The following CFAP206 variants were observed in gnomAD, a reference collection of about 807,000 sequenced individuals.
The protein encoded by CFAP206 is cilia- and flagella-associated protein 206.
Under a neutral mutation model 65.4 loss-of-function variants are expected in CFAP206, and 53 were observed. The ratio of observed to expected loss-of-function variants is 0.81; its 90% CI spans 0.65 to 1.02. CFAP206 has a LOEUF of 1.02. Ranked by LOEUF, CFAP206 falls within the 50% of genes least tolerant of loss-of-function variation. The pLI, the probability that CFAP206 is intolerant of heterozygous loss-of-function variation, is 0.00. For synonymous variants in CFAP206, 250 were observed against 254.4 expected (o/e 0.98, Z 0.17); for missense variants, 663 against 753.2 (o/e 0.88, Z 1.40).
At chr6:87,436,977 G>T (rs530670055) in intron 11 of CFAP206, among the ~76,000 whole-genome samples, 328 of 150,828 alleles carry the variant, frequency 2.2e-3, no homozygotes, top group Middle Eastern at 3.4e-3. Flanking sequence ...ATTATTGTTT[G>T]TTTTTTTTTC....
In CFAP206 at chr6:87,418,391, A is replaced by G. The variant is rs772758689; in HGVS notation, c.815A>G (p.Tyr272Cys). 2.3e-5 allele frequency: 37 copies of G among 1,613,984 alleles called. No individual in the cohort carries two copies. Among genetic ancestry groups the G allele is most frequent in the Non-Finnish European group, 3.1e-5 (36 of 1,179,970 alleles). Reference protein sequence around the residue: ...LKEALYNIRQYEVFLQIILSD... With the variant: ...LKEALYNIRQCEVFLQIILSD... ...GAAGCGCTATATAATATACGACAAT[A>G]TGAGGTCTTCCTTCAGATCATTTTG... Residue 272 changes from tyrosine (Y) to cysteine (C), a missense_variant, in exon 7 of 13, where the codon TAT becomes TGT. Tyr to Cys is a radical substitution (Grantham distance 194). Coordinates refer to ENST00000369562, the MANE Select transcript of CFAP206 (RefSeq NM_001031743.3).
chr6:87,460,934 GTT>G, intron 11 of CFAP206, 86 bp from the exon 12 acceptor site: 1 of 1,160,130 alleles, frequency 8.6e-7, no homozygotes, highest in Non-Finnish European at 1.2e-6. Context: ...TTTTTTAAGT[GTT>G]TTGTTAGTTT....
intron 8 of CFAP206, among the ~76,000 whole-genome samples, chr6:87,428,217 C>A (rs6899561): frequency 0.36 from 54,326 of 151,104 alleles, 11,099 homozygotes; most frequent in African/African-American, 0.56. Flanking sequence ...TGAACTCCTG[C>A]CCTCAGGTGA....
At chr6:87,409,739 CTG>C (rs1400452389) in intron 1 of CFAP206, 94 bp from the exon 2 acceptor site, 1 of 745,380 alleles carries the variant, frequency 1.3e-6, no homozygotes, top group East Asian at 2.7e-5. Flanking sequence ...GATATTATGA[CTG>C]TTTACAAATA....
intron 12 of CFAP206, among the ~76,000 whole-genome samples, chr6:87,461,774 A>G (rs1238162426): frequency 6.6e-6 from 1 of 152,144 alleles, no homozygotes; most frequent in Non-Finnish European, 1.5e-5. Flanking sequence ...TTTAACTGAA[A>G]TCAGGTGTGG....
Position 87,415,763 on chromosome 6 carries a change from G to T in CFAP206, c.361G>T (p.Ala121Ser), listed in dbSNP as rs1475908398. 2 of 1,613,530 alleles carry T rather than the reference G, an allele frequency of 1.2e-6. No homozygotes were observed. Among genetic ancestry groups the T allele is most frequent in the African/African-American group, 2.7e-5 (2 of 75,024 alleles). Residue 121 changes from alanine (A) to serine (S), a missense_variant, in exon 5 of 13, where the codon GCA (alanine) becomes TCA (serine). Physicochemically the swap from Ala to Ser is moderately conservative, Grantham distance 99. Transcript: ENST00000369562. ...TACCCGAGAAATTACAGATAACAGA[G>T]CATGTGCTAAAGAAGAATTGGAAAG... ...SVTREITDNR[A>S]CAKEELESLY...
At chr6:87,410,750 C>A in intron 3 of CFAP206, 82 bp downstream of exon 3, 2 of 1,092,372 alleles carry the variant, frequency 1.8e-6, no homozygotes, top group South Asian at 2.6e-5. Context: ...TTATTGCCTT[C>A]AGCTGCATGA....
intron 11 of CFAP206, among the ~76,000 whole-genome samples, chr6:87,450,150 G>A (rs556262809): frequency 6.6e-6 from 1 of 152,152 alleles, no homozygotes; most frequent in East Asian, 1.9e-4. Flanking sequence ...ATTTATTTCT[G>A]GGTTCTGTAT....
At position 87,408,063 on chromosome 6, in the gene CFAP206, C is replaced by T. The variant is rs1431243878; in HGVS notation, c.-32C>T. On this transcript the variant is annotated 5_prime_UTR_variant, in exon 1 of 13. In the 5' UTR this introduces an upstream ATG that the reference lacks. Coordinates refer to ENST00000369562, the MANE Select transcript of CFAP206 (RefSeq NM_001031743.3). ...GCCCCAGGACAGAAGCAGACAGACA[C>T]GGCTCCTGCTGTCGATTCCGATCCA... 3.0e-6 allele frequency: 3 copies of T among 985,428 alleles called. No homozygotes were observed. The highest frequency in any genetic ancestry group is 4.7e-5 in the South Asian group (1 of 21,292). The allele number at this position is 985,428 out of a possible 1,614,324, so 61.0% of individuals were successfully genotyped here.
At chr6:87,423,541 G>A (rs1767986214) in intron 7 of CFAP206, among the ~76,000 whole-genome samples, 1 of 152,080 alleles carries the variant, frequency 6.6e-6, no homozygotes, top group Non-Finnish European at 1.5e-5. Context: ...GAGCCACCGC[G>A]CCCGGCCCAG....
intron 11 of CFAP206, among the ~76,000 whole-genome samples, chr6:87,453,775 C>T (rs1388683563): frequency 2.0e-5 from 3 of 151,750 alleles, no homozygotes; most frequent in African/African-American, 7.3e-5. Flanking sequence ...TGAAACATAC[C>T]ACCAAAGAAA....
rs781732069 is a variant in CFAP206 at position 87,431,105 on chromosome 6, A to G, written c.1232A>G (p.Lys411Arg). ...LFPETTANFDKLLIQYRGFCA... is the reference protein window; with the variant it reads ...LFPETTANFDRLLIQYRGFCA... ...CCAGAAACAACAGCAAATTTTGATA[A>G]ACTGTTAATTCAATATCGGGGATTT... Residue 411 changes from lysine to arginine, a missense_variant, in exon 10 of 13, where the codon AAA (lysine) becomes AGA (arginine). Lys to Arg is a conservative substitution (Grantham distance 26). Transcript: ENST00000369562. 1.1e-5 allele frequency: 17 copies of G among 1,613,894 alleles called. No homozygotes were observed. The highest frequency in any genetic ancestry group is 2.5e-6 in the Non-Finnish European group (3 of 1,179,924).
intron 11 of CFAP206, among the ~76,000 whole-genome samples, chr6:87,454,785 C>T (rs1306068731): frequency 1.5e-5 from 2 of 135,624 alleles, no homozygotes; most frequent in African/African-American, 2.8e-5. Context: ...GCAGAGGCTA[C>T]AGTGAGCTGA....
At chr6:87,459,433 A>C (rs1368982892) in intron 11 of CFAP206, among the ~76,000 whole-genome samples, 1 of 152,148 alleles carries the variant, frequency 6.6e-6, no homozygotes, top group African/African-American at 2.4e-5. Flanking sequence ...TCTATTTGTT[A>C]AAAGATAGTT....
At chr6:87,462,471 T>C (rs1455285091) in intron 12 of CFAP206, among the ~76,000 whole-genome samples, 1 of 152,224 alleles carries the variant, frequency 6.6e-6, no homozygotes, top group Non-Finnish European at 1.5e-5. Context: ...TTGGGTAACA[T>C]ATATATCCCA....
intron 11 of CFAP206, among the ~76,000 whole-genome samples, chr6:87,459,808 G>A (rs1035348463): frequency 2.0e-5 from 3 of 152,190 alleles, no homozygotes; most frequent in Admixed American, 2.0e-4. Context: ...AAGGTATGTT[G>A]TATGTGGATA....
chr6:87,412,598 A>T (rs1385394822), intron 3 of CFAP206, among the ~76,000 whole-genome samples: 1 of 152,152 alleles, frequency 6.6e-6, no homozygotes, highest in African/African-American at 2.4e-5. Context: ...AGAACCAGAG[A>T]AATTTTGTGA....
chr6:87,419,306 C>T (rs993825516), intron 7 of CFAP206, among the ~76,000 whole-genome samples: 1 of 152,072 alleles, frequency 6.6e-6, no homozygotes, highest in African/African-American at 2.4e-5. Flanking sequence ...ATCTAATGAA[C>T]AAGCCAAACA....
At chr6:87,462,149 C>T (rs892328899) in intron 12 of CFAP206, among the ~76,000 whole-genome samples, 5 of 152,300 alleles carry the variant, frequency 3.3e-5, no homozygotes, top group African/African-American at 1.2e-4. Flanking sequence ...AGACTGGCTT[C>T]CCTGACTGGT....
Sources: gnomAD v4.1 joint callset for allele counts (sites outside exome capture counted in the v4.1 genomes callset) on GRCh38, gnomAD v4.1.1 for gene constraint, MANE v1.5 for transcripts, NCBI Gene and HGNC (gene_info 2026-07-23, HGNC 2026-07-21) for gene names.